Variants in CADPS observed in about 807,000 individuals in gnomAD.
CADPS encodes the protein calcium dependent secretion activator.
In CADPS, 57 loss-of-function variants were observed where a neutral mutation model predicts 167.3. The ratio of observed to expected loss-of-function variants is 0.34; its 90% CI spans 0.28 to 0.42. The LOEUF (loss-of-function observed/expected upper bound fraction) is 0.42, where lower values mean the gene tolerates loss of function less well. CADPS is among the 20% of genes least tolerant of loss of function. The pLI, the probability that CADPS is intolerant of heterozygous loss-of-function variation, is 1.00. For synonymous variants in CADPS, 676 were observed against 635.3 expected, an observed-to-expected ratio of 1.06 and a Z score of -0.96; for missense variants, 1,414 against 1,738.1, an observed-to-expected ratio of 0.81 and a Z score of 3.32.
chr3:62,398,676 A>T lies in CADPS; in HGVS notation c.*730T>A, dbSNP rs1371224277. 2 of 152,594 alleles carry T rather than the reference A, an allele frequency of 1.3e-5. No individual in the cohort carries two copies. Among genetic ancestry groups the T allele is most frequent in the Non-Finnish European group, 2.9e-5 (2 of 68,036 alleles). 9.5% of individuals were successfully genotyped at this position (152,594 alleles called of 1,614,324 possible). A position where few individuals can be genotyped will look rare whatever the true frequency, so the allele number is the denominator to read the frequency against. The stretch of plus-strand genomic sequence containing the variant: ...TACACAGTTGAGACGTAAAAGCAAA[A>T]TAACATTTAAGAGGAGAAAACTTTG... On this transcript the variant is annotated 3_prime_UTR_variant, in exon 30 of 30. Transcript: ENST00000383710.
chr3:62,492,132 C>G (rs1243790131), intron 20 of CADPS, among the ~76,000 whole-genome samples, 158 bp downstream of exon 20: 1 of 152,024 alleles, frequency 6.6e-6, no homozygotes, highest in Non-Finnish European at 1.5e-5. Flanking sequence ...AAGGGAATAC[C>G]CTTCAGCTGT....
In CADPS at chr3:62,874,990, T is replaced by C. The variant is rs903562646; in HGVS notation, c.40A>G (p.Ile14Val). 1 of 1,596,132 alleles carries C rather than the reference T, an allele frequency of 6.3e-7. No individual in the cohort carries two copies. Among genetic ancestry groups the C allele is most frequent in the Non-Finnish European group, 8.5e-7 (1 of 1,171,674 alleles). The change falls in exon 1 of 30, where the codon ATC becomes GTC. Residue 14 changes from isoleucine to valine, a missense_variant. By Grantham distance (29) the Ile-to-Val change is conservative. Coordinates refer to ENST00000383710, the MANE Select transcript of CADPS (RefSeq NM_003716.4). This position sits in a 1 kb window ranked among gnomAD's most constrained non-coding sequence, Gnocchi z 7.1. ...TCCTTGCCGCTCTCCTCCTCCACGA[T>C]CTCATCCGATTCTTCTTCGCTGGAC... ...PSSSEEESDE[I>V]VEEESGKEVL...
intron 6 of CADPS, among the ~76,000 whole-genome samples, chr3:62,596,477 C>A (rs1006424766): frequency 1.3e-5 from 2 of 152,080 alleles, no homozygotes; most frequent in Non-Finnish European, 2.9e-5. Context: ...GGATTACAGG[C>A]ATGAGCCACC....
chr3:62,817,973 T>C (rs578032943), intron 1 of CADPS, among the ~76,000 whole-genome samples: 26 of 152,272 alleles, frequency 1.7e-4, no homozygotes, highest in Admixed American at 7.8e-4. Context: ...TTAATAATTA[T>C]AGTAATACCT....
At chr3:62,585,904 C>G (rs1029985151) in intron 7 of CADPS, among the ~76,000 whole-genome samples, 1 of 152,208 alleles carries the variant, frequency 6.6e-6, no homozygotes, top group African/African-American at 2.4e-5. Flanking sequence ...CAACTTTGCC[C>G]GGGCATGGAG....
chr3:62,636,908 T>C (rs1014332161), intron 6 of CADPS, among the ~76,000 whole-genome samples: 1 of 152,126 alleles, frequency 6.6e-6, no homozygotes, highest in Admixed American at 6.6e-5. Flanking sequence ...TTGGCAATGG[T>C]ACTCCCTTCT....
chr3:62,573,047 A>G (rs1471550272), intron 8 of CADPS, among the ~76,000 whole-genome samples: 3 of 151,986 alleles, frequency 2.0e-5, no homozygotes, highest in African/African-American at 7.3e-5. Flanking sequence ...ATGTCCGGCT[A>G]ATTTTTGTAT....
chr3:62,625,327 C>T (rs1350055009), intron 6 of CADPS: 2 of 150,186 alleles, frequency 1.3e-5, no homozygotes, highest in Non-Finnish European at 2.9e-5. Context: ...TTGTAAAATT[C>T]AATGTCAAAA....
Position 62,533,029 on chromosome 3 carries a change from T to C in CADPS, c.2133A>G (p.Val711=), listed in dbSNP as rs898824147. 5 of 1,613,734 alleles carry C rather than the reference T, an allele frequency of 3.1e-6. No individual in the cohort carries two copies. Among genetic ancestry groups the C allele is most frequent in the Non-Finnish European group, 4.2e-6 (5 of 1,179,780 alleles). The change falls in exon 13 of 30, where the codon GTA becomes GTG. Residue 711 remains valine (V), a synonymous_variant. Coordinates refer to ENST00000383710, the MANE Select transcript of CADPS (RefSeq NM_003716.4). ...CATTTCGGGCGCAATACTCGTCTAG[T>C]ACAAACACCTGGCCAGGACTGAACC... ...LGWFSPGQVF[V]LDEYCARNGV...
At chr3:62,488,564 C>T (rs1271989780) in intron 21 of CADPS, among the ~76,000 whole-genome samples, 1 of 152,060 alleles carries the variant, frequency 6.6e-6, no homozygotes, top group Non-Finnish European at 1.5e-5. Flanking sequence ...AGGATCATGG[C>T]TCACTGTAAC....
intron 1 of CADPS, among the ~76,000 whole-genome samples, chr3:62,845,849 C>T (rs776506008): frequency 2.6e-5 from 4 of 152,118 alleles, no homozygotes; most frequent in African/African-American, 4.8e-5. Flanking sequence ...ATTTCCTGTG[C>T]TTTGATAGTT....
chr3:62,871,542 G>T (rs1466680893), intron 1 of CADPS, among the ~76,000 whole-genome samples: 1 of 152,040 alleles, frequency 6.6e-6, no homozygotes. Flanking sequence ...AAAAAGATAG[G>T]ATTTGGAATC....
intron 3 of CADPS, among the ~76,000 whole-genome samples, chr3:62,744,284 C>T (rs770956682): frequency 3.3e-5 from 5 of 151,862 alleles, no homozygotes; most frequent in Non-Finnish European, 7.4e-5. Flanking sequence ...ACTAACAGTT[C>T]ACTCTAAAAG....
chr3:62,442,118 A>C (rs192052518), intron 27 of CADPS, among the ~76,000 whole-genome samples: 1 of 143,458 alleles, frequency 7.0e-6, no homozygotes. Flanking sequence ...CAAACCAGAA[A>C]TTTTTTTTTT....
At chr3:62,620,787 G>C (rs1392223190) in intron 6 of CADPS, among the ~76,000 whole-genome samples, 2 of 152,136 alleles carry the variant, frequency 1.3e-5, no homozygotes, top group African/African-American at 2.4e-5. Context: ...TCCCATTAGA[G>C]CTGGCCTCCA....
At chr3:62,532,622 T>A (rs1320581678) in intron 13 of CADPS, among the ~76,000 whole-genome samples, 1 of 152,108 alleles carries the variant, frequency 6.6e-6, no homozygotes, top group Non-Finnish European at 1.5e-5. Context: ...GAACTATGAT[T>A]TGAACCTAGA....
intron 1 of CADPS, among the ~76,000 whole-genome samples, chr3:62,836,799 C>A (rs984225442): frequency 9.2e-5 from 14 of 152,158 alleles, no homozygotes; most frequent in Admixed American, 2.0e-4. Flanking sequence ...AATCCTGGAA[C>A]TTTCCTTTCG....
At chr3:62,788,943 G>A (rs953362516) in intron 1 of CADPS, among the ~76,000 whole-genome samples, 7 of 152,246 alleles carry the variant, frequency 4.6e-5, no homozygotes, top group East Asian at 1.9e-4. Flanking sequence ...CAGAGTTGAG[G>A]CTCCAATATT....
chr3:62,536,601 G>T lies in CADPS; in HGVS notation c.1967-20C>A, dbSNP rs373783205. 4.4e-6 allele frequency: 7 copies of T among 1,608,716 alleles called. No homozygotes were observed. Among genetic ancestry groups the T allele is most frequent in the Non-Finnish European group, 6.0e-6 (7 of 1,176,412 alleles). On this transcript the variant is annotated intron_variant, in intron 11 of 29. Transcript: ENST00000383710. ...CTGCGTCTGTTCATTTATACATGTAGAGAGAGACACAATTTAGAGAAACAC... is the reference window on the plus strand; with the variant it reads ...CTGCGTCTGTTCATTTATACATGTATAGAGAGACACAATTTAGAGAAACAC...
Sources: gnomAD v4.1 joint callset for allele counts (sites outside exome capture counted in the v4.1 genomes callset) on GRCh38, gnomAD v4.1.1 for gene constraint, Gnocchi (gnomAD v3.1) non-coding constraint, MANE v1.5 for transcripts, NCBI Gene and HGNC (gene_info 2026-07-23, HGNC 2026-07-21) for gene names.